Variants in FNDC3B observed in about 807,000 individuals in gnomAD.
FNDC3B encodes the protein fibronectin type III domain containing 3B.
FNDC3B carries 12 observed loss-of-function variants against 151.5 expected under a neutral mutation model. The ratio of observed to expected loss-of-function variants is 0.08; its 90% CI spans 0.05 to 0.13. The LOEUF is 0.13. Ranked by LOEUF, FNDC3B falls within the 10% of genes least tolerant of loss-of-function variation. The probability of loss-of-function intolerance (pLI) is 1.00; values close to 1 mark genes in which losing one functional copy is unlikely to be tolerated. For synonymous variants in FNDC3B, 528 were observed against 549.0 expected (o/e 0.96, Z 0.54); for missense variants, 1,214 against 1,505.3 (o/e 0.81, Z 3.20).
intron 3 of FNDC3B, among the ~76,000 whole-genome samples, chr3:172,167,815 A>G (rs1007283401): frequency 1.3e-5 from 2 of 152,184 alleles, no homozygotes; most frequent in African/African-American, 4.8e-5. Context: ...TGAAGGATCT[A>G]GGTTGCGTAC....
intron 13 of FNDC3B, among the ~76,000 whole-genome samples, chr3:172,332,827 A>G (rs1180853781): frequency 1.3e-5 from 2 of 152,216 alleles, no homozygotes; most frequent in African/African-American, 4.8e-5. Context: ...TGTATTTTCA[A>G]AAGTTGCTTA....
chr3:172,322,311 C>T (rs1034914822), intron 11 of FNDC3B, among the ~76,000 whole-genome samples: 4 of 152,200 alleles, frequency 2.6e-5, no homozygotes, highest in Non-Finnish European at 5.9e-5. Flanking sequence ...TCCCACACAG[C>T]GTGGCAGCTT....
chr3:172,378,279 A>G lies in FNDC3B; in HGVS notation c.3018A>G (p.Ser1006=). The change falls in exon 24 of 26, where the codon TCA becomes TCG. Residue 1006 remains serine, a synonymous_variant. Coordinates refer to ENST00000415807, the MANE Select transcript of FNDC3B (RefSeq NM_022763.4). ...CTGCTCCTTCTTCTAGGTTTATTTC[A>G]ATCTACAGAGGACCCAGCCACACCT... ...QLEDRNKRFI[S]IYRGPSHTYK... is the part of the protein sequence containing the mutation. 1 of 1,585,838 alleles carries G rather than the reference A, an allele frequency of 6.3e-7. No individual in the cohort carries two copies. The highest frequency in any genetic ancestry group is 8.5e-7 in the Non-Finnish European group (1 of 1,170,864).
chr3:172,253,293 G>A (rs978456975), intron 6 of FNDC3B, among the ~76,000 whole-genome samples: 2 of 152,198 alleles, frequency 1.3e-5, no homozygotes, highest in African/African-American at 4.8e-5. Context: ...CAGTAGCATT[G>A]CTTGATGTGA....
chr3:172,373,046 G>A (rs6804518), intron 23 of FNDC3B, among the ~76,000 whole-genome samples: 7,511 of 152,232 alleles, frequency 0.049, 259 homozygotes, highest in Middle Eastern at 0.088. Flanking sequence ...AGAGGGGAGT[G>A]AAGGATGGTC....
chr3:172,136,663 A>G (rs1283315512), intron 3 of FNDC3B, among the ~76,000 whole-genome samples: 2 of 152,242 alleles, frequency 1.3e-5, no homozygotes, highest in South Asian at 4.1e-4. Flanking sequence ...GATTTAAGAG[A>G]TCAAAACTCT....
chr3:172,045,637 G>A (rs1716325712), intron 1 of FNDC3B, among the ~76,000 whole-genome samples: 2 of 152,088 alleles, frequency 1.3e-5, no homozygotes, highest in Admixed American at 6.5e-5. Flanking sequence ...TTGTTAACGA[G>A]GTTAATCCAT....
chr3:172,065,982 A>G (rs1251985195), intron 1 of FNDC3B, among the ~76,000 whole-genome samples: 1 of 152,178 alleles, frequency 6.6e-6, no homozygotes, highest in Non-Finnish European at 1.5e-5. Flanking sequence ...TACTTTGTCA[A>G]CCTAAATACC....
At chr3:172,108,304 A>G (rs1478319522) in intron 1 of FNDC3B, among the ~76,000 whole-genome samples, 1 of 152,244 alleles carries the variant, frequency 6.6e-6, no homozygotes, top group Non-Finnish European at 1.5e-5. Flanking sequence ...GAAATCCCTA[A>G]GAAAAAAGCT....
intron 11 of FNDC3B, chr3:172,316,330 C>G (rs1731787765): frequency 2.2e-6 from 1 of 444,494 alleles, no homozygotes; most frequent in African/African-American, 2.1e-5. Flanking sequence ...ATATCACTAT[C>G]TAGCAGAGGT....
chr3:172,325,296 C>T (rs1046305337), intron 11 of FNDC3B, among the ~76,000 whole-genome samples: 14 of 152,094 alleles, frequency 9.2e-5, no homozygotes, highest in African/African-American at 3.1e-4. Context: ...TTTTTAAAGG[C>T]GGGAACGTGC....
chr3:172,317,273 T>C, intron 11 of FNDC3B: 2 of 378,092 alleles, frequency 5.3e-6, no homozygotes, highest in Admixed American at 3.3e-5. Flanking sequence ...AACGTCTGCC[T>C]CCCGGGTTCA....
Position 172,397,371 on chromosome 3 carries a change from A to C in FNDC3B, c.3511A>C (p.Ser1171Arg). 2.5e-6 allele frequency: 4 copies of C among 1,614,202 alleles called. No homozygotes were observed. Among genetic ancestry groups the C allele is most frequent in the Non-Finnish European group, 3.4e-6 (4 of 1,180,004 alleles). The change falls in exon 26 of 26, where the codon AGC becomes CGC. Residue 1171 changes from serine (S) to arginine (R), a missense_variant. Ser to Arg is a moderately radical substitution (Grantham distance 110). This residue lies in a region of FNDC3B where 284 missense variants were observed against 392.4 expected (regional missense o/e 0.72). Coordinates refer to ENST00000415807, the MANE Select transcript of FNDC3B (RefSeq NM_022763.4). ...GAGCTTAGATGATCCCAAAATGAAG[A>C]GCATGATGCCTACTGATGAACAGTT... Reference protein sequence around the residue: ...MGSLDDPKMKSMMPTDEQFAA... With the variant: ...MGSLDDPKMKRMMPTDEQFAA...
chr3:172,170,639 A>G (rs1032911529), intron 3 of FNDC3B, among the ~76,000 whole-genome samples: 2 of 152,184 alleles, frequency 1.3e-5, no homozygotes, highest in African/African-American at 2.4e-5. Flanking sequence ...GAGGCAAGCT[A>G]CAAGTGGATT....
At chr3:172,350,251 C>T (rs180803976) in intron 21 of FNDC3B, among the ~76,000 whole-genome samples, 372 of 152,296 alleles carry the variant, frequency 2.4e-3, no homozygotes, top group South Asian at 8.5e-3. Context: ...ATGAATTAGG[C>T]ATTACTGTCC....
intron 3 of FNDC3B, among the ~76,000 whole-genome samples, chr3:172,200,065 G>A (rs1725065870): frequency 6.6e-6 from 1 of 151,902 alleles, no homozygotes; most frequent in Admixed American, 6.6e-5. Context: ...CAGTGTTGCG[G>A]GGGCCAGAGC....
intron 3 of FNDC3B, among the ~76,000 whole-genome samples, chr3:172,167,109 T>G (rs1723041105): frequency 6.6e-6 from 1 of 152,102 alleles, no homozygotes; most frequent in Non-Finnish European, 1.5e-5. Context: ...GAATATACAC[T>G]TAAGGGCCGG....
chr3:172,369,410 T>A (rs564492304), intron 23 of FNDC3B, among the ~76,000 whole-genome samples: 2 of 152,216 alleles, frequency 1.3e-5, no homozygotes, highest in East Asian at 3.8e-4. Context: ...CATCCTTTTT[T>A]TAAATATAAA....
At chr3:172,144,999 C>G (rs1254620250) in intron 3 of FNDC3B, among the ~76,000 whole-genome samples, 1 of 151,874 alleles carries the variant, frequency 6.6e-6, no homozygotes, top group African/African-American at 2.4e-5. Flanking sequence ...CCTCCCCCTA[C>G]CACTTTTTTT....
Sources: allele counts gnomAD v4.1 joint callset (sites outside exome capture counted in the v4.1 genomes callset), GRCh38; gene constraint gnomAD v4.1.1; regional missense constraint gnomAD v4.1.1; transcripts MANE v1.5; gene names NCBI Gene and HGNC (gene_info 2026-07-23, HGNC 2026-07-21).